The following SLX9 variants were observed in gnomAD, a reference collection of about 807,000 sequenced individuals.
SLX9 encodes ribosome biogenesis protein SLX9 homolog.
Under a neutral mutation model 20.8 loss-of-function variants are expected in SLX9, and 19 were observed. The observed-to-expected ratio is 0.91, with a 90% CI of 0.64 to 1.34. SLX9 has a LOEUF of 1.34. Among genes scored for constraint, SLX9 ranks in the 40% most tolerant of loss-of-function variants. The probability of loss-of-function intolerance (pLI) is 0.00; values close to 1 mark genes in which losing one functional copy is unlikely to be tolerated. For synonymous variants in SLX9, 113 were observed against 137.1 expected, an observed-to-expected ratio of 0.82 and a Z score of 1.23; for missense variants, 299 against 322.2, an observed-to-expected ratio of 0.93 and a Z score of 0.55.
chr21:44,951,066 G>A (rs1316936124), intron 2 of SLX9, among the ~76,000 whole-genome samples: 1 of 152,154 alleles, frequency 6.6e-6, no homozygotes, highest in Non-Finnish European at 1.5e-5. Flanking sequence ...AAAGTCGCCG[G>A]TTTGATTTAA....
Position 44,973,164 on chromosome 21 carries a change from A to G in SLX9, c.501-33A>G, listed in dbSNP as rs2085188227. 4 of 1,612,636 alleles carry G rather than the reference A, an allele frequency of 2.5e-6. No homozygotes were observed. The African/African-American group carries it at 5.3e-5, about 22-fold the overall frequency. On this transcript the variant is annotated intron_variant, in intron 4 of 5. Coordinates refer to ENST00000291634, the MANE Select transcript of SLX9 (RefSeq NM_058190.4). ...CGGGAAGGTGTTTAGGGGATGCTGG[A>G]TGCTGACTCACGTGGCTTCTCTGTG...
chr21:44,974,908 C>T (rs1205048876), intron 5 of SLX9, among the ~76,000 whole-genome samples: 9 of 152,178 alleles, frequency 5.9e-5, no homozygotes, highest in Non-Finnish European at 1.3e-4. Context: ...GACAGGGCGA[C>T]GGGTTTTCCT....
chr21:44,969,331 G>A (rs957683387), intron 4 of SLX9: 2 of 420,720 alleles, frequency 4.8e-6, no homozygotes, highest in South Asian at 1.7e-5. Context: ...TGTGACCCTG[G>A]TCAAGTATCC....
rs557329404 is a variant in SLX9, at chr21:44,976,630, G to C, written c.570-50G>C. 8.4e-6 allele frequency: 13 copies of C among 1,552,456 alleles called. No individual in the cohort carries two copies. In the Admixed American group the frequency reaches 1.3e-4, roughly 16 times the overall value. The stretch of plus-strand genomic sequence containing the variant: ...TGACGTTTCCGGGTGTTGAGGGGCT[G>C]AGGGGTCCGGGGGTTCCTGCCTGCT... On this transcript the variant is annotated intron_variant, in intron 5 of 5. Coordinates refer to ENST00000291634, the MANE Select transcript of SLX9 (RefSeq NM_058190.4).
chr21:44,971,266 C>G (rs2085141882), intron 4 of SLX9, among the ~76,000 whole-genome samples: 1 of 152,228 alleles, frequency 6.6e-6, no homozygotes, highest in South Asian at 2.1e-4. Flanking sequence ...GGCTCCAATT[C>G]CTCCTCGGCT....
At chr21:44,941,023 C>CTTTCT (rs2084536569) in intron 1 of SLX9, among the ~76,000 whole-genome samples, 2 of 104,360 alleles carry the variant, frequency 1.9e-5, no homozygotes, top group African/African-American at 9.0e-5. Context: ...TGAACCTTTC[C>CTTTCT]AGTGAAATTT....
At chr21:44,943,554 C>T (rs2084587216) in intron 1 of SLX9, 130 bp from the exon 2 acceptor site, 4 of 1,274,564 alleles carry the variant, frequency 3.1e-6, no homozygotes, top group Non-Finnish European at 4.3e-6. Context: ...TCCCCCAGGT[C>T]CTCCCGGGCA....
At chr21:44,966,029 G>A (rs2085027755) in intron 3 of SLX9, among the ~76,000 whole-genome samples, 1 of 152,210 alleles carries the variant, frequency 6.6e-6, no homozygotes. Context: ...TGCACTGGGG[G>A]CTGAGGACCC....
rs768504644 is a variant in SLX9, at chr21:44,973,217, G to A, written c.521G>A (p.Arg174Gln). 2.4e-5 allele frequency: 38 copies of A among 1,612,964 alleles called. No individual in the cohort carries two copies. In the Middle Eastern group the frequency reaches 5.0e-4, roughly 21 times the overall value. Reference protein sequence around the residue: ...QARSRESNKPRPSELSRMSAA... With the variant: ...QARSRESNKPQPSELSRMSAA... ...CACAGCAGGGAGAGCAACAAGCCCC[G>A]GCCCTCAGAGCTCAGCCGGATGAGC... Residue 174 changes from arginine (R) to glutamine (Q), a missense_variant, in exon 5 of 6, where the codon CGG (arginine) becomes CAG (glutamine). Transcript: ENST00000291634.
intron 3 of SLX9, among the ~76,000 whole-genome samples, chr21:44,963,214 G>A (rs181883796): frequency 6.6e-6 from 1 of 151,766 alleles, no homozygotes; most frequent in Admixed American, 6.6e-5. Context: ...TCAGCCTTCT[G>A]AGTAGCCGGG....
intron 5 of SLX9, among the ~76,000 whole-genome samples, chr21:44,975,500 G>A (rs1478083311): frequency 4.6e-5 from 7 of 152,202 alleles, no homozygotes; most frequent in Non-Finnish European, 7.3e-5. Flanking sequence ...GCCCCTCCCC[G>A]TGCAGCTTCG....
intron 1 of SLX9, among the ~76,000 whole-genome samples, chr21:44,941,892 A>G (rs1478669907): frequency 2.0e-5 from 3 of 152,200 alleles, no homozygotes; most frequent in Non-Finnish European, 4.4e-5. Context: ...CACGAGCTGC[A>G]GACAAGGCGA....
intron 4 of SLX9, among the ~76,000 whole-genome samples, chr21:44,969,729 G>C (rs897698718): frequency 3.3e-5 from 5 of 151,390 alleles, no homozygotes; most frequent in Non-Finnish European, 7.3e-5. Context: ...TATCAACAGA[G>C]AAATAGTGAG....
intron 4 of SLX9, among the ~76,000 whole-genome samples, chr21:44,969,948 G>C (rs1339147459): frequency 6.7e-6 from 1 of 150,364 alleles, no homozygotes; most frequent in Admixed American, 6.6e-5. Flanking sequence ...GTCAGCTGAA[G>C]ATCTGTCTGA....
intron 5 of SLX9, among the ~76,000 whole-genome samples, 178 bp from the exon 6 acceptor site, chr21:44,976,502 C>T (rs991290199): frequency 2.0e-5 from 3 of 152,208 alleles, no homozygotes; most frequent in Non-Finnish European, 4.4e-5. Flanking sequence ...CACGTGGCCA[C>T]GAGGAGGGCC....
chr21:44,976,247 C>T (rs748315710), intron 5 of SLX9, among the ~76,000 whole-genome samples: 12 of 152,230 alleles, frequency 7.9e-5, no homozygotes, highest in Non-Finnish European at 1.3e-4. Flanking sequence ...CTGCCGCGCC[C>T]CACTCTGCTG....
At chr21:44,954,714 G>C (rs957099094) in intron 2 of SLX9, among the ~76,000 whole-genome samples, 10 of 152,162 alleles carry the variant, frequency 6.6e-5, no homozygotes, top group Non-Finnish European at 2.9e-5. Context: ...GGCTGTGACT[G>C]CTCTTCTCTG....
chr21:44,950,100 A>AT (rs142870585), intron 2 of SLX9, among the ~76,000 whole-genome samples: 423 of 146,368 alleles, frequency 2.9e-3, no homozygotes, highest in African/African-American at 8.2e-3. Flanking sequence ...GTCTTCAGGG[A>AT]TTTTTTTTTT....
chr21:44,976,584 T>G (rs2085267557), intron 5 of SLX9, 96 bp from the exon 6 acceptor site: 2 of 1,504,704 alleles, frequency 1.3e-6, no homozygotes, highest in African/African-American at 2.8e-5. Context: ...GCCCCAGGCC[T>G]CTGCCATTCA....
Sources: gnomAD v4.1 joint callset for allele counts (sites outside exome capture counted in the v4.1 genomes callset) on GRCh38, gnomAD v4.1.1 for gene constraint, MANE v1.5 for transcripts, NCBI Gene and HGNC (gene_info 2026-07-23, HGNC 2026-07-21) for gene names.